Variants in FAM53B observed in about 807,000 individuals in gnomAD.
The protein encoded by FAM53B is protein FAM53B.
Under a neutral mutation model 32.7 loss-of-function variants are expected in FAM53B, and 12 were observed. The observed-to-expected ratio is 0.37, with a 90% CI of 0.24 to 0.59. FAM53B has a LOEUF of 0.59. Ranked by LOEUF, FAM53B falls within the 20% of genes least tolerant of loss-of-function variation. FAM53B has a pLI of 0.72. For synonymous variants in FAM53B, 234 were observed against 228.7 expected, an observed-to-expected ratio of 1.02 and a Z score of -0.21; for missense variants, 477 against 577.7, an observed-to-expected ratio of 0.83 and a Z score of 1.79.
chr10:124,633,246 G>GA (rs10535148), intron 4 of FAM53B, among the ~76,000 whole-genome samples: 11,051 of 135,626 alleles, frequency 0.081, 933 homozygotes, highest in African/African-American at 0.24. Flanking sequence ...AAAATTGATA[G>GA]AAAAAAAAAA....
At chr10:124,693,816 T>C (rs961338113) in intron 3 of FAM53B, among the ~76,000 whole-genome samples, 1 of 152,188 alleles carries the variant, frequency 6.6e-6, no homozygotes, top group Non-Finnish European at 1.5e-5. Flanking sequence ...GAATTCACTG[T>C]TCGTTGATCT....
intron 3 of FAM53B, among the ~76,000 whole-genome samples, chr10:124,685,240 ATT>A (rs1215692124): frequency 6.6e-6 from 1 of 152,216 alleles, no homozygotes; most frequent in Non-Finnish European, 1.5e-5. Flanking sequence ...TGGTTAATTT[ATT>A]TTTTCTCTTT....
At chr10:124,685,861 T>C (rs11816515) in intron 3 of FAM53B, among the ~76,000 whole-genome samples, 7,705 of 152,236 alleles carry the variant, frequency 0.051, 234 homozygotes, top group East Asian at 0.12. Flanking sequence ...ACCTCCTCAC[T>C]GCCTCTAGAG....
intron 4 of FAM53B, among the ~76,000 whole-genome samples, chr10:124,660,926 C>T (rs1272076043): frequency 2.6e-5 from 4 of 152,084 alleles, no homozygotes; most frequent in Non-Finnish European, 4.4e-5. Flanking sequence ...TTTATAAAAA[C>T]AGGCAATCAC....
rs1205148621 is a variant in FAM53B, at chr10:124,682,164, G to C, written c.349C>G (p.Leu117Val). 6.2e-7 allele frequency: 1 copy of C among 1,613,690 alleles called. No homozygotes were observed. Among genetic ancestry groups the C allele is most frequent in the Admixed American group, 1.7e-5 (1 of 59,962 alleles). ...CTGGACATCTCATCGGAGAAGGACA[G>C]TGAGCGGCACTGGCGCTTGCTAGGG... The part of the protein sequence containing the change: ...APPSKRQCRS[L>V]SFSDEMSSCR... The change falls in exon 4 of 5, where the codon CTG becomes GTG. Residue 117 changes from leucine (L) to valine (V), a missense_variant. Around this residue, in one of 2 missense-constraint regions of FAM53B, gnomAD observed 312 missense variants for 420.2 expected, o/e 0.74. Transcript: ENST00000337318. This position sits in a 1 kb window ranked among gnomAD's most constrained non-coding sequence, Gnocchi z 5.2.
At chr10:124,643,376 C>T (rs748393121) in intron 4 of FAM53B, among the ~76,000 whole-genome samples, 4 of 152,252 alleles carry the variant, frequency 2.6e-5, no homozygotes, top group Non-Finnish European at 5.9e-5. Context: ...ATTCACGACG[C>T]GCAGGTGGCT....
intron 4 of FAM53B, among the ~76,000 whole-genome samples, chr10:124,665,647 G>A (rs536706229): frequency 6.6e-6 from 1 of 152,308 alleles, no homozygotes; most frequent in South Asian, 2.1e-4. Context: ...GAAAACCAAG[G>A]CTCAGAGGAT....
intron 4 of FAM53B, among the ~76,000 whole-genome samples, chr10:124,665,818 G>A (rs557282755): frequency 6.6e-6 from 1 of 152,320 alleles, no homozygotes; most frequent in East Asian, 1.9e-4. Context: ...GCAAATGCTA[G>A]GTAAATAAAT....
chr10:124,631,064 G>A (rs1949387955), intron 4 of FAM53B, among the ~76,000 whole-genome samples: 1 of 152,242 alleles, frequency 6.6e-6, no homozygotes, highest in African/African-American at 2.4e-5. Flanking sequence ...AGGCCACGCT[G>A]AGTCACTTCG....
rs139972068 is a variant in FAM53B at position 124,620,355 on chromosome 10, G to GCACCCCCCCCC, written c.*2886_*2887insGGGGGGGGGTG. On this transcript the variant is annotated 3_prime_UTR_variant, in exon 5 of 5. Coordinates refer to ENST00000337318, the MANE Select transcript of FAM53B (RefSeq NM_014661.4). The stretch of plus-strand genomic sequence containing the variant: ...ATGAGTGGGGTGCATGTGGCACTAA[G>GCACCCCCCCCC]CCCCCCCCACCGCCCCGGCTTTCCT... 7.7e-6 allele frequency: 1 copy of GCACCCCCCCCC among 130,716 alleles called. No individual in the cohort carries two copies. Among genetic ancestry groups the GCACCCCCCCCC allele is most frequent in the African/African-American group, 2.9e-5 (1 of 33,940 alleles). 8.1% of individuals were successfully genotyped at this position (130,716 alleles called of 1,614,324 possible).
chr10:124,671,073 G>C, intron 4 of FAM53B: 1 of 434,910 alleles, frequency 2.3e-6, no homozygotes, highest in Non-Finnish European at 4.8e-6. Flanking sequence ...ATGCTGAGCA[G>C]AGCCAGGCTG....
chr10:124,735,435 C>T (rs1287100289), intron 1 of FAM53B, among the ~76,000 whole-genome samples: 1 of 152,232 alleles, frequency 6.6e-6, no homozygotes, highest in African/African-American at 2.4e-5. Flanking sequence ...GTAACAGACA[C>T]ACTGCAAACT....
chr10:124,682,252 G>A lies in FAM53B; in HGVS notation c.261C>T (p.Cys87=), dbSNP rs547541372. The change falls in exon 4 of 5, where the codon TGC becomes TGT. Residue 87 remains cysteine (C), a synonymous_variant. Transcript: ENST00000337318. The surrounding 1 kb of genome is among the most constrained non-coding windows in gnomAD (Gnocchi z 5.2). ...GGTCTTTGATCAGACTGGTCACAGC[G>A]CAGGCGGTCACTGCCTCCCGGTGCC... ...SLWHREAVTA[C]AVTSLIKDLS... 3.4e-5 allele frequency: 55 copies of A among 1,614,018 alleles called. No homozygotes were observed. The highest frequency in any genetic ancestry group is 1.6e-4 in the Middle Eastern group (1 of 6,062).
intron 4 of FAM53B, among the ~76,000 whole-genome samples, chr10:124,646,285 A>G (rs1390071142): frequency 6.6e-6 from 1 of 152,194 alleles, no homozygotes; most frequent in Non-Finnish European, 1.5e-5. Context: ...GGCATTTGCT[A>G]TGTGCCTTCA....
At chr10:124,709,397 C>G (rs1267075231) in intron 1 of FAM53B, among the ~76,000 whole-genome samples, 3 of 152,168 alleles carry the variant, frequency 2.0e-5, no homozygotes, top group Non-Finnish European at 4.4e-5. Flanking sequence ...GACAAGGGGC[C>G]AGGGCTCAGA....
intron 4 of FAM53B, among the ~76,000 whole-genome samples, chr10:124,626,645 G>A (rs1272548287): frequency 1.3e-5 from 2 of 152,186 alleles, no homozygotes; most frequent in Non-Finnish European, 1.5e-5. Flanking sequence ...CGGTTTATAC[G>A]TTCCCCAGTC....
chr10:124,656,941 T>C (rs1807673692), intron 4 of FAM53B, among the ~76,000 whole-genome samples: 1 of 151,556 alleles, frequency 6.6e-6, no homozygotes, highest in Admixed American at 6.6e-5. Flanking sequence ...CTAATGTAAA[T>C]GACGAGTTAA....
At chr10:124,729,512 T>G (rs1290522786) in intron 1 of FAM53B, among the ~76,000 whole-genome samples, 2 of 152,218 alleles carry the variant, frequency 1.3e-5, no homozygotes, top group African/African-American at 4.8e-5. Context: ...GTTTTCTTCT[T>G]TTTTCACTCT....
At chr10:124,718,668 T>A (rs1416327475) in intron 1 of FAM53B, among the ~76,000 whole-genome samples, 2 of 152,254 alleles carry the variant, frequency 1.3e-5, no homozygotes, top group Non-Finnish European at 2.9e-5. Flanking sequence ...AGCCGCTGCA[T>A]GTGTAACAAC....
Sources: gnomAD v4.1 joint callset for allele counts (sites outside exome capture counted in the v4.1 genomes callset) on GRCh38, gnomAD v4.1.1 for gene constraint, gnomAD v4.1.1 regional missense constraint, Gnocchi (gnomAD v3.1) non-coding constraint, MANE v1.5 for transcripts, NCBI Gene and HGNC (gene_info 2026-07-23, HGNC 2026-07-21) for gene names.